Variants in HS3ST4 observed in about 807,000 individuals in gnomAD.
The protein encoded by HS3ST4 is heparan sulfate-glucosamine 3-sulfotransferase 4.
Under a neutral mutation model 29.2 loss-of-function variants are expected in HS3ST4, and 17 were observed. The ratio of observed to expected loss-of-function variants is 0.58; its 90% CI spans 0.40 to 0.87. The LOEUF (loss-of-function observed/expected upper bound fraction) is 0.87, where lower values mean the gene tolerates loss of function less well. HS3ST4 is among the 40% of genes least tolerant of loss of function. HS3ST4 has a pLI of 0.00. For missense variants in HS3ST4, 627 were observed against 634.5 expected (o/e 0.99, Z 0.13); for synonymous variants, 314 against 285.7 (o/e 1.10, Z -1.00).
At position 25,703,057 on chromosome 16, in the gene HS3ST4, G is replaced by C. The variant is rs573280799; in HGVS notation, c.734+9906G>C. On this transcript the variant is annotated intron_variant, in intron 1 of 1. Transcript: ENST00000331351. ...GCCTGTAATCCCTGCTACTCAGGAG[G>C]CTGAGGCAGGAGAATCGCCTGAACC... Among the ~76,000 whole-genome samples the C allele has an allele frequency of 5.3e-5, 8 of 152,264 alleles. No homozygotes were observed. The South Asian group carries it at 1.7e-3, about 32-fold the overall frequency.
At chr16:25,931,583 A>G (rs1245932594) in intron 1 of HS3ST4, among the ~76,000 whole-genome samples, 1 of 152,246 alleles carries the variant, frequency 6.6e-6, no homozygotes, top group Admixed American at 6.5e-5. Context: ...TACCAGGGCC[A>G]TTTGGCAATA....
intron 1 of HS3ST4, among the ~76,000 whole-genome samples, chr16:25,795,400 T>C (rs1206327464): frequency 6.6e-6 from 1 of 152,170 alleles, no homozygotes; most frequent in Non-Finnish European, 1.5e-5. Context: ...ACATACTGAA[T>C]TCTTAATTTC....
intron 1 of HS3ST4, among the ~76,000 whole-genome samples, chr16:26,099,621 G>A (rs1247855552): frequency 6.6e-6 from 1 of 152,178 alleles, no homozygotes; most frequent in East Asian, 1.9e-4. Flanking sequence ...CAGACTTCAT[G>A]AGAAATTTGT....
At chr16:25,851,429 G>A (rs1967520943) in intron 1 of HS3ST4, among the ~76,000 whole-genome samples, 1 of 152,044 alleles carries the variant, frequency 6.6e-6, no homozygotes, top group African/African-American at 2.4e-5. Flanking sequence ...TCTGTCCATA[G>A]AGCCATCTTC....
chr16:25,957,227 T>G (rs1968744435), intron 1 of HS3ST4, among the ~76,000 whole-genome samples: 1 of 151,760 alleles, frequency 6.6e-6, no homozygotes, highest in Non-Finnish European at 1.5e-5. Context: ...AGAAAAAACC[T>G]CCCCCATGTT....
intron 1 of HS3ST4, among the ~76,000 whole-genome samples, chr16:25,914,151 A>T (rs1968268587): frequency 7.7e-6 from 1 of 129,836 alleles, no homozygotes; most frequent in African/African-American, 3.0e-5. Context: ...ATGTGTTGTG[A>T]TGTGTGTATG....
At chr16:25,987,626 T>C (rs1314387799) in intron 1 of HS3ST4, among the ~76,000 whole-genome samples, 1 of 152,002 alleles carries the variant, frequency 6.6e-6, no homozygotes, top group Non-Finnish European at 1.5e-5. Flanking sequence ...CCCTTGGGAG[T>C]CTAAGGGGAC....
intron 1 of HS3ST4, among the ~76,000 whole-genome samples, chr16:25,969,216 A>T (rs563135200): frequency 6.6e-6 from 1 of 152,254 alleles, no homozygotes; most frequent in South Asian, 2.1e-4. Context: ...TGAATGTTTG[A>T]GTTACTGACT....
intron 1 of HS3ST4, among the ~76,000 whole-genome samples, chr16:26,073,859 C>A (rs936816841): frequency 6.6e-6 from 1 of 152,142 alleles, no homozygotes; most frequent in Non-Finnish European, 1.5e-5. Flanking sequence ...TTGCTTCTAG[C>A]TTCTGAGTAT....
At chr16:25,862,744 T>C (rs1428066852) in intron 1 of HS3ST4, among the ~76,000 whole-genome samples, 1 of 152,254 alleles carries the variant, frequency 6.6e-6, no homozygotes, top group Non-Finnish European at 1.5e-5. Context: ...TAGCTATGAA[T>C]ATTCTTGTAC....
chr16:25,910,832 C>T (rs1159158029), intron 1 of HS3ST4, among the ~76,000 whole-genome samples: 1 of 151,908 alleles, frequency 6.6e-6, no homozygotes, highest in Admixed American at 6.6e-5. Flanking sequence ...AATGTTATTG[C>T]TAAGAAGGCA....
intron 1 of HS3ST4, among the ~76,000 whole-genome samples, chr16:25,790,935 G>C (rs1037753352): frequency 6.6e-6 from 1 of 152,026 alleles, no homozygotes; most frequent in Non-Finnish European, 1.5e-5. Flanking sequence ...TTTATAGTAA[G>C]AGATTTTTCA....
At chr16:25,975,744 C>A (rs1968937747) in intron 1 of HS3ST4, among the ~76,000 whole-genome samples, 1 of 152,162 alleles carries the variant, frequency 6.6e-6, no homozygotes, top group Non-Finnish European at 1.5e-5. Context: ...TCCAAGCATG[C>A]CACTTCTCTG....
chr16:25,733,896 A>G (rs148896930), intron 1 of HS3ST4, among the ~76,000 whole-genome samples: 4,725 of 152,282 alleles, frequency 0.031, 273 homozygotes, highest in African/African-American at 0.11. Context: ...AAGCAGGCAG[A>G]TCACGAGGTC....
intron 1 of HS3ST4, among the ~76,000 whole-genome samples, chr16:25,721,456 C>G (rs1422479441): frequency 7.8e-6 from 1 of 127,542 alleles, no homozygotes; most frequent in Non-Finnish European, 1.7e-5. Context: ...AATGAAATAC[C>G]CTTCTTTCCC....
At chr16:26,113,414 C>G (rs148654214) in intron 1 of HS3ST4, among the ~76,000 whole-genome samples, 61 of 148,366 alleles carry the variant, frequency 4.1e-4, no homozygotes, top group Non-Finnish European at 7.9e-4. Context: ...CCACTGCACT[C>G]CAGTCCAGGC....
chr16:26,113,946 A>G (rs1387937833), intron 1 of HS3ST4, among the ~76,000 whole-genome samples: 1 of 152,138 alleles, frequency 6.6e-6, no homozygotes, highest in Non-Finnish European at 1.5e-5. Context: ...ATGTGTGTGT[A>G]TATGTAGGTA....
intron 1 of HS3ST4, among the ~76,000 whole-genome samples, chr16:25,980,805 A>C (rs890137049): frequency 4.6e-5 from 7 of 152,198 alleles, no homozygotes; most frequent in Non-Finnish European, 8.8e-5. Context: ...CACGCCACTC[A>C]GGGCCATATG....
intron 1 of HS3ST4, among the ~76,000 whole-genome samples, chr16:25,948,042 T>G (rs1308212759): frequency 6.6e-6 from 1 of 152,250 alleles, no homozygotes; most frequent in African/African-American, 2.4e-5. Context: ...TCGTATCTTC[T>G]TATTTAAACC....
Sources: gnomAD v4.1 joint callset for allele counts (sites outside exome capture counted in the v4.1 genomes callset) on GRCh38, gnomAD v4.1.1 for gene constraint, MANE v1.5 for transcripts, NCBI Gene and HGNC (gene_info 2026-07-23, HGNC 2026-07-21) for gene names.